Variants in EPM2A observed in about 807,000 individuals in gnomAD.
EPM2A encodes the protein EPM2A glucan phosphatase, laforin.
Under a neutral mutation model 26.5 loss-of-function variants are expected in EPM2A, and 21 were observed. The ratio of observed to expected loss-of-function variants is 0.79; its 90% CI spans 0.56 to 1.14. The LOEUF is 1.14. Among genes scored for constraint, EPM2A ranks in the 50% most tolerant of loss-of-function variants. The pLI is 0.00. For synonymous variants in EPM2A, 217 were observed against 177.6 expected, an observed-to-expected ratio of 1.22 and a Z score of -1.76; for missense variants, 458 against 440.8, an observed-to-expected ratio of 1.04 and a Z score of -0.35.
At chr6:145,561,749 A>C (rs1021993894) in intron 2 of EPM2A, among the ~76,000 whole-genome samples, 3 of 152,288 alleles carry the variant, frequency 2.0e-5, no homozygotes, top group African/African-American at 7.2e-5. Context: ...AGATGAATTA[A>C]AGTCTTTATA....
chr6:145,607,541 C>T (rs550612499), intron 2 of EPM2A, among the ~76,000 whole-genome samples: 1 of 152,116 alleles, frequency 6.6e-6, no homozygotes, highest in Admixed American at 6.5e-5. Flanking sequence ...AAAACAATGC[C>T]GACCACACAA....
In EPM2A at chr6:145,635,328, A is replaced by C; in HGVS notation, c.635T>G (p.Met212Arg). The change falls in exon 3 of 4, where the codon ATG becomes AGG. Residue 212 changes from methionine (M) to arginine (R), a missense_variant. Physicochemically the swap from Met to Arg is moderately conservative, Grantham distance 91. Coordinates refer to ENST00000367519, the MANE Select transcript of EPM2A (RefSeq NM_005670.4). ...TAGTTTAATCATAGTGTCTGGAGTC[A>C]TGGGCTCTGGGTAGCGGTTACAGCC... ...SSGCNRYPEP[M>R]TPDTMIKLYR... The C allele has an allele frequency of 6.2e-7, 1 of 1,614,142 alleles. No homozygotes were observed. The highest frequency in any genetic ancestry group is 1.3e-5 in the African/African-American group (1 of 75,048).
intron 4 of EPM2A, among the ~76,000 whole-genome samples, chr6:145,397,904 G>T (rs1437928840): frequency 6.6e-6 from 1 of 152,102 alleles, no homozygotes; most frequent in Admixed American, 6.5e-5. Flanking sequence ...CAACCACAGT[G>T]AACTTCATAA....
chr6:145,720,523 A>C (rs1422045317), intron 1 of EPM2A, among the ~76,000 whole-genome samples: 1 of 152,188 alleles, frequency 6.6e-6, no homozygotes, highest in Non-Finnish European at 1.5e-5. Context: ...ATAGCTCTAA[A>C]TCGAAGATGA....
At chr6:145,641,931 C>T (rs1777114067) in intron 2 of EPM2A, among the ~76,000 whole-genome samples, 1 of 152,162 alleles carries the variant, frequency 6.6e-6, no homozygotes, top group African/African-American at 2.4e-5. Context: ...ACATGACTCT[C>T]AGAGAATGAA....
At chr6:145,478,443 G>A (rs1278276257) in intron 4 of EPM2A, among the ~76,000 whole-genome samples, 2 of 151,718 alleles carry the variant, frequency 1.3e-5, no homozygotes, top group African/African-American at 4.8e-5. Flanking sequence ...AATGTATATG[G>A]AACCACGAAA....
upstream of EPM2A, chr6:145,735,712 T>C (rs2235481): frequency 0.7 from 666,970 of 958,956 alleles, 232,615 homozygotes; most frequent in African/African-American, 0.82. Flanking sequence ...GCGGAGCCGC[T>C]AGCTGCCTCT....
At chr6:145,642,048 C>T (rs1043778113) in intron 2 of EPM2A, among the ~76,000 whole-genome samples, 2 of 151,942 alleles carry the variant, frequency 1.3e-5, no homozygotes, top group African/African-American at 2.4e-5. Context: ...CATATATAGC[C>T]CTGAAATTTG....
At chr6:145,508,360 C>T (rs1478751356) in intron 2 of EPM2A, among the ~76,000 whole-genome samples, 1 of 151,992 alleles carries the variant, frequency 6.6e-6, no homozygotes, top group Non-Finnish European at 1.5e-5. Context: ...CTTGCTGGCT[C>T]TTACTTCTCA....
chr6:145,717,827 GACAA>G (rs1480303384), intron 1 of EPM2A, among the ~76,000 whole-genome samples: 2 of 151,300 alleles, frequency 1.3e-5, no homozygotes, highest in Non-Finnish European at 2.9e-5. Context: ...ACCAATAACA[GACAA>G]ACAGAGAGAC....
At chr6:145,542,879 C>G (rs543838371) in intron 2 of EPM2A, among the ~76,000 whole-genome samples, 1 of 152,146 alleles carries the variant, frequency 6.6e-6, no homozygotes, top group Non-Finnish European at 1.5e-5. Flanking sequence ...TTGTCTCAGC[C>G]TCCCGCGTAG....
chr6:145,431,064 C>A (rs897154168), intron 4 of EPM2A, among the ~76,000 whole-genome samples: 2 of 152,088 alleles, frequency 1.3e-5, no homozygotes, highest in South Asian at 2.1e-4. Flanking sequence ...TTCAAATACT[C>A]CCCCAGAAAA....
chr6:145,649,668 A>G lies in EPM2A; in HGVS notation c.477-14182T>C, dbSNP rs145363288. Among the ~76,000 whole-genome samples, 400 of 152,334 alleles carry G rather than the reference A, an allele frequency of 2.6e-3. 1 individual carries two copies. Among genetic ancestry groups the G allele is most frequent in the African/African-American group, 7.7e-3 (322 of 41,588 alleles). ...CATTTCTGTGTCTTCGAGAGACCAG[A>G]AAACTATAGCTCATGGGCCAAATTC... On this transcript the variant is annotated intron_variant, in intron 2 of 3. Transcript: ENST00000367519.
chr6:145,517,220 T>G lies in EPM2A; in HGVS notation c.341-14645A>C, dbSNP rs562727992. Among the ~76,000 whole-genome samples, 4 of 152,320 alleles carry G rather than the reference T, an allele frequency of 2.6e-5. No homozygotes were observed. The East Asian group carries it at 5.8e-4, about 22-fold the overall frequency. On this transcript the variant is annotated intron_variant, in intron 2 of 3. Coordinates refer to the EPM2A transcript ENST00000450221. ...AGAAATGGGGAGTTGTTTTTCAACA[T>G]GTATGAAGTTTTATTTTTGCAAGAT...
At chr6:145,593,431 C>T (rs553757947) in intron 2 of EPM2A, among the ~76,000 whole-genome samples, 1 of 152,200 alleles carries the variant, frequency 6.6e-6, no homozygotes, top group African/African-American at 2.4e-5. Context: ...AATCAACTCG[C>T]TCTAGTTGAT....
At chr6:145,541,166 AAT>A (rs1450922451) in intron 2 of EPM2A, among the ~76,000 whole-genome samples, 1 of 96,966 alleles carries the variant, frequency 1.0e-5, no homozygotes, top group Non-Finnish European at 2.1e-5. Context: ...ACTATTTGGG[AAT>A]ATATATATCT....
At chr6:145,686,618 A>T (rs117906006) in intron 1 of EPM2A, among the ~76,000 whole-genome samples, 1,655 of 152,214 alleles carry the variant, frequency 0.011, 13 homozygotes, top group Admixed American at 0.017. Flanking sequence ...AGAAGCTCCT[A>T]AAAAAAGTTT....
intron 2 of EPM2A, among the ~76,000 whole-genome samples, chr6:145,531,272 G>A (rs1416507640): frequency 6.6e-6 from 1 of 152,112 alleles, no homozygotes; most frequent in Non-Finnish European, 1.5e-5. Flanking sequence ...CAAAGCCTTT[G>A]TCATTTAATG....
At chr6:145,609,767 G>A (rs1286968070) in intron 2 of EPM2A, among the ~76,000 whole-genome samples, 4 of 152,150 alleles carry the variant, frequency 2.6e-5, no homozygotes, top group Non-Finnish European at 4.4e-5. Flanking sequence ...GAGTGTGGTA[G>A]GACTTTTGGA....
Sources: gnomAD v4.1 joint callset for allele counts (sites outside exome capture counted in the v4.1 genomes callset) on GRCh38, gnomAD v4.1.1 for gene constraint, MANE v1.5 for transcripts, NCBI Gene and HGNC (gene_info 2026-07-23, HGNC 2026-07-21) for gene names.